ZNF503: variants seen among roughly 807,000 people sequenced by gnomAD.
ZNF503 encodes the protein zinc finger protein 503.
A neutral mutation model predicts 34.4 loss-of-function variants in ZNF503; 15 were observed. That is an observed-to-expected ratio of 0.44 (90% CI 0.29 to 0.67). ZNF503 has a LOEUF of 0.67. Among genes scored for constraint, ZNF503 ranks in the 30% least tolerant of loss-of-function variants. The probability of loss-of-function intolerance (pLI) is 0.13; values close to 1 mark genes in which losing one functional copy is unlikely to be tolerated. For missense variants in ZNF503, 1,007 were observed against 926.8 expected (o/e 1.09, Z -1.12); for synonymous variants, 580 against 456.8 (o/e 1.27, Z -3.44).
At chr10:75,396,887 G>A (rs1483500259), downstream of ZNF503, among the ~76,000 whole-genome samples, 1 of 151,988 alleles carries the variant, frequency 6.6e-6, no homozygotes, top group African/African-American at 2.4e-5. The surrounding 1 kb of genome is among the most constrained non-coding windows in gnomAD (Gnocchi z 4.4). Flanking sequence ...TTCCTTCGGC[G>A]CTTCGGGCAG....
the ZNF503 span, among the ~76,000 whole-genome samples, chr10:75,361,972 G>A: frequency 6.6e-6 from 1 of 152,170 alleles, no homozygotes; most frequent in Non-Finnish European, 1.5e-5. Flanking sequence ...AGCTGTTTTT[G>A]GGGAGGCAGC....
chr10:75,400,781 T>C (rs1019316750), intron 1 of ZNF503, among the ~76,000 whole-genome samples: 19 of 152,320 alleles, frequency 1.2e-4, no homozygotes, highest in Admixed American at 4.6e-4. Context: ...CTTCTGCGGA[T>C]ACGAAGGACG....
the ZNF503 span, among the ~76,000 whole-genome samples, chr10:75,316,543 T>C: frequency 2.0e-5 from 3 of 152,084 alleles, no homozygotes; most frequent in Non-Finnish European, 4.4e-5. Context: ...AATTTTTTTG[T>C]AGAGACAAGG....
chr10:75,382,893 G>A, the ZNF503 span: 1 of 247,164 alleles, frequency 4.0e-6, no homozygotes, highest in Non-Finnish European at 8.5e-6. Flanking sequence ...CTGGGAGCTG[G>A]TGCCGCTGGT....
At chr10:75,291,521 G>A in the ZNF503 span, among the ~76,000 whole-genome samples, 3 of 152,130 alleles carry the variant, frequency 2.0e-5, no homozygotes, top group Admixed American at 6.5e-5. Context: ...CTGAGGGGGA[G>A]GATTGCTTGA....
the ZNF503 span, among the ~76,000 whole-genome samples, chr10:75,350,986 A>G: frequency 6.6e-6 from 1 of 152,216 alleles, no homozygotes; most frequent in African/African-American, 2.4e-5. Context: ...CATGCTGTAT[A>G]GCATTCTACA....
chr10:75,315,351 C>A, the ZNF503 span, among the ~76,000 whole-genome samples: 1 of 152,054 alleles, frequency 6.6e-6, no homozygotes, highest in Non-Finnish European at 1.5e-5. Context: ...TAGAGTGAGA[C>A]CCTGTCTCAA....
chr10:75,345,634 C>CAA, the ZNF503 span, among the ~76,000 whole-genome samples: 624 of 71,894 alleles, frequency 8.7e-3, 11 homozygotes, highest in African/African-American at 0.022. Context: ...GACTCTGTCT[C>CAA]AAAAAAAAAA....
chr10:75,333,007 G>C, the ZNF503 span, among the ~76,000 whole-genome samples: 5 of 147,078 alleles, frequency 3.4e-5, no homozygotes, highest in Non-Finnish European at 7.5e-5. Flanking sequence ...TCCCAGACGG[G>C]GTGGTGGCCG....
At chr10:75,345,705 A>G in the ZNF503 span, among the ~76,000 whole-genome samples, 1 of 151,888 alleles carries the variant, frequency 6.6e-6, no homozygotes, top group Admixed American at 6.6e-5. Context: ...GGAGCTCACC[A>G]TCAGGAAATG....
chr10:75,342,768 T>C, the ZNF503 span, among the ~76,000 whole-genome samples: 1 of 152,032 alleles, frequency 6.6e-6, no homozygotes. Context: ...AGTGTTACTT[T>C]TGGTGTTAGA....
chr10:75,312,936 G>A, the ZNF503 span, among the ~76,000 whole-genome samples: 9 of 152,140 alleles, frequency 5.9e-5, no homozygotes, highest in Non-Finnish European at 7.4e-5. Context: ...AATAAGTCTC[G>A]CGAAATCTGA....
chr10:75,283,754 G>A, the ZNF503 span: 1 of 152,352 alleles, frequency 6.6e-6, no homozygotes, highest in Non-Finnish European at 1.5e-5. Flanking sequence ...GGGAGTTAAA[G>A]TTCTAATGCA....
the ZNF503 span, among the ~76,000 whole-genome samples, chr10:75,297,507 T>A: frequency 1.3e-5 from 2 of 152,226 alleles, no homozygotes; most frequent in Admixed American, 1.3e-4. Flanking sequence ...GCTGTATTTG[T>A]GGATGTATTA....
At chr10:75,284,829 G>T in the ZNF503 span, among the ~76,000 whole-genome samples, 1 of 152,194 alleles carries the variant, frequency 6.6e-6, no homozygotes, top group Non-Finnish European at 1.5e-5. Context: ...GTTACTGATG[G>T]TTATTTTAAA....
the ZNF503 span, among the ~76,000 whole-genome samples, chr10:75,295,133 G>T: frequency 6.6e-6 from 1 of 151,832 alleles, no homozygotes; most frequent in Non-Finnish European, 1.5e-5. This position sits in a 1 kb window ranked among gnomAD's most constrained non-coding sequence, Gnocchi z 4.0. Context: ...CGGGAGGCGG[G>T]CTCCGGGCCC....
chr10:75,395,145 G>T (rs932657220), downstream of ZNF503, among the ~76,000 whole-genome samples: 2 of 152,344 alleles, frequency 1.3e-5, no homozygotes, highest in Admixed American at 6.5e-5. This position sits in a 1 kb window ranked among gnomAD's most constrained non-coding sequence, Gnocchi z 4.4. Context: ...ATGCAGGCCT[G>T]TGTGGCGACT....
chr10:75,332,274 C>T, the ZNF503 span, among the ~76,000 whole-genome samples: 1 of 152,122 alleles, frequency 6.6e-6, no homozygotes, highest in South Asian at 2.1e-4. Context: ...TTCAATTACA[C>T]ATATGTTATG....
the ZNF503 span, among the ~76,000 whole-genome samples, chr10:75,348,057 T>C: frequency 6.6e-6 from 1 of 151,656 alleles, no homozygotes; most frequent in Non-Finnish European, 1.5e-5. Flanking sequence ...TAATTTTTGT[T>C]TTCTTTTCTT....
Sources: gnomAD v4.1 joint callset for allele counts (sites outside exome capture counted in the v4.1 genomes callset) on GRCh38, gnomAD v4.1.1 for gene constraint, Gnocchi (gnomAD v3.1) non-coding constraint, MANE v1.5 for transcripts, NCBI Gene and HGNC (gene_info 2026-07-23, HGNC 2026-07-21) for gene names.